RALGPS1: variants seen among roughly 807,000 people sequenced by gnomAD.
The protein encoded by RALGPS1 is ras-specific guanine nucleotide-releasing factor RalGPS1.
RALGPS1 carries 19 observed loss-of-function variants against 78.8 expected under a neutral mutation model. The ratio of observed to expected loss-of-function variants is 0.24; its 90% CI spans 0.17 to 0.35. RALGPS1 has a LOEUF of 0.35. RALGPS1 is among the 10% of genes least tolerant of loss of function. The pLI is 1.00. For missense variants in RALGPS1, 454 were observed against 688.3 expected (o/e 0.66, Z 3.81); for synonymous variants, 228 against 256.3 (o/e 0.89, Z 1.06).
chr9:127,148,571 C>G (rs564408695), intron 8 of RALGPS1, among the ~76,000 whole-genome samples: 1 of 152,340 alleles, frequency 6.6e-6, no homozygotes, highest in East Asian at 1.9e-4. Flanking sequence ...AATGCTCAGC[C>G]TGGACACATG....
At chr9:127,109,977 C>T (rs147390846) in intron 8 of RALGPS1, among the ~76,000 whole-genome samples, 1 of 152,328 alleles carries the variant, frequency 6.6e-6, no homozygotes, top group South Asian at 2.1e-4. Flanking sequence ...TCCAGCAGTC[C>T]TCACCGTCTC....
chr9:127,062,148 A>C (rs184855400), intron 7 of RALGPS1, among the ~76,000 whole-genome samples: 2,442 of 152,062 alleles, frequency 0.016, 66 homozygotes, highest in African/African-American at 0.057. Context: ...CCCAGGCTGG[A>C]GTGCAGTGGC....
chr9:127,180,170 G>A (rs2060126922), intron 11 of RALGPS1, among the ~76,000 whole-genome samples: 1 of 152,178 alleles, frequency 6.6e-6, no homozygotes, highest in Non-Finnish European at 1.5e-5. Context: ...CATAAAGAAC[G>A]TTGACCCCCA....
chr9:127,051,862 AT>A (rs1266959630), intron 6 of RALGPS1, among the ~76,000 whole-genome samples: 1 of 152,220 alleles, frequency 6.6e-6, no homozygotes, highest in Non-Finnish European at 1.5e-5. Flanking sequence ...TGCTACAGAT[AT>A]GCATGGACTT....
intron 8 of RALGPS1, among the ~76,000 whole-genome samples, chr9:127,113,612 C>T (rs2055088285): frequency 1.3e-5 from 2 of 150,896 alleles, no homozygotes; most frequent in Non-Finnish European, 1.5e-5. Context: ...AAAGCAAATC[C>T]AACTGTTTTC....
Position 127,076,950 on chromosome 9 carries a change from T to C in RALGPS1, c.610+7594T>C, listed in dbSNP as rs182805833. ...GACAGCTTGTGCAAGAACCCTAAAGTGAGGAAAAACATGTTTGTTAGAAAA... is the reference window on the plus strand; with the variant it reads ...GACAGCTTGTGCAAGAACCCTAAAGCGAGGAAAAACATGTTTGTTAGAAAA... On this transcript the variant is annotated intron_variant, in intron 8 of 18. Coordinates refer to ENST00000259351, the MANE Select transcript of RALGPS1 (RefSeq NM_014636.3). Among the ~76,000 whole-genome samples, 12 of 151,894 alleles carry C rather than the reference T, an allele frequency of 7.9e-5. No homozygotes were observed. In the East Asian group the frequency reaches 2.3e-3, roughly 29 times the overall value.
In RALGPS1 at chr9:126,944,895, G is replaced by T. The variant is rs141549608; in HGVS notation, c.-65-17330G>T. ...TGATAGTTCCTTAGTCTGTCCAGAA[G>T]GTATCAGCTGAGCCTTGGTGGATGA... On this transcript the variant is annotated intron_variant, in intron 1 of 18. Coordinates refer to ENST00000259351, the MANE Select transcript of RALGPS1 (RefSeq NM_014636.3). Among the ~76,000 whole-genome samples the T allele has an allele frequency of 2.6e-3, 401 of 152,306 alleles. 3 individuals are homozygous for T. The highest frequency in any genetic ancestry group is 4.5e-3 in the Non-Finnish European group (305 of 68,024).
intron 8 of RALGPS1, among the ~76,000 whole-genome samples, chr9:127,159,586 A>G (rs1483820449): frequency 1.3e-5 from 2 of 152,188 alleles, no homozygotes; most frequent in Non-Finnish European, 2.9e-5. Flanking sequence ...CTAAATGAGG[A>G]TTTGTTCTGA....
intron 8 of RALGPS1, among the ~76,000 whole-genome samples, chr9:127,154,922 T>C (rs2058627916): frequency 6.6e-6 from 1 of 152,140 alleles, no homozygotes; most frequent in African/African-American, 2.4e-5. Context: ...CTCAAGAGTG[T>C]TTTCCTTGGC....
At chr9:127,118,025 G>T (rs889958116) in intron 8 of RALGPS1, among the ~76,000 whole-genome samples, 1 of 152,234 alleles carries the variant, frequency 6.6e-6, no homozygotes, top group Non-Finnish European at 1.5e-5. Context: ...CAATAGTTCA[G>T]TTGTGAGAGG....
intron 3 of RALGPS1, among the ~76,000 whole-genome samples, chr9:126,974,606 G>A (rs1320886705): frequency 6.6e-6 from 1 of 152,140 alleles, no homozygotes; most frequent in Non-Finnish European, 1.5e-5. Flanking sequence ...CCCTGGACTA[G>A]GAGGAAGGAG....
At chr9:127,134,160 C>T (rs2057233460) in intron 8 of RALGPS1, among the ~76,000 whole-genome samples, 1 of 152,164 alleles carries the variant, frequency 6.6e-6, no homozygotes, top group South Asian at 2.1e-4. Context: ...ACCCTCCACA[C>T]ACAGGGGGGG....
intron 1 of RALGPS1, among the ~76,000 whole-genome samples, chr9:126,954,132 A>G (rs1564301245): frequency 6.6e-6 from 1 of 152,138 alleles, no homozygotes; most frequent in East Asian, 1.9e-4. Flanking sequence ...TTGGTCACCC[A>G]CTTCTTTGTG....
At chr9:127,045,796 C>G (rs927383055) in intron 5 of RALGPS1, among the ~76,000 whole-genome samples, 2 of 141,706 alleles carry the variant, frequency 1.4e-5, no homozygotes, top group Non-Finnish European at 3.1e-5. Flanking sequence ...CACACACACA[C>G]AATTTCTTGG....
intron 8 of RALGPS1, among the ~76,000 whole-genome samples, chr9:127,109,059 C>A (rs1278466320): frequency 6.6e-6 from 1 of 152,166 alleles, no homozygotes; most frequent in Non-Finnish European, 1.5e-5. Context: ...AGCTCCAATG[C>A]CCGCAGCCCC....
At chr9:127,068,545 C>T (rs193071272) in intron 7 of RALGPS1, among the ~76,000 whole-genome samples, 1 of 152,218 alleles carries the variant, frequency 6.6e-6, no homozygotes, top group African/African-American at 2.4e-5. Context: ...GGATAACTTC[C>T]AAGTGTGAGA....
intron 8 of RALGPS1, among the ~76,000 whole-genome samples, chr9:127,120,989 C>T (rs2056013085): frequency 6.6e-6 from 1 of 151,552 alleles, no homozygotes; most frequent in African/African-American, 2.4e-5. Flanking sequence ...TAGCTTTCTC[C>T]TAGAAAGCAG....
intron 4 of RALGPS1, among the ~76,000 whole-genome samples, chr9:126,986,913 G>T (rs994679780): frequency 1.3e-5 from 2 of 152,142 alleles, no homozygotes; most frequent in African/African-American, 4.8e-5. Flanking sequence ...GTTGGCGGGG[G>T]GTGGAAGTCA....
intron 5 of RALGPS1, among the ~76,000 whole-genome samples, chr9:127,048,901 A>G (rs1268661176): frequency 6.6e-6 from 1 of 152,152 alleles, no homozygotes; most frequent in Non-Finnish European, 1.5e-5. Flanking sequence ...CACTGAGAAA[A>G]CATTTCTATA....
Sources: allele counts gnomAD v4.1 joint callset (sites outside exome capture counted in the v4.1 genomes callset), GRCh38; gene constraint gnomAD v4.1.1; transcripts MANE v1.5; gene names NCBI Gene and HGNC (gene_info 2026-07-23, HGNC 2026-07-21).